The following RASA1 variants were observed in gnomAD, a reference collection of about 807,000 sequenced individuals.
The protein encoded by RASA1 is RAS p21 protein activator 1.
In RASA1, 25 loss-of-function variants were observed where a neutral mutation model predicts 132.2. The observed-to-expected ratio is 0.19, with a 90% CI of 0.14 to 0.26. The LOEUF (loss-of-function observed/expected upper bound fraction) is 0.26, where lower values mean the gene tolerates loss of function less well. Among genes scored for constraint, RASA1 ranks in the 10% least tolerant of loss-of-function variants. The pLI is 1.00. For missense variants in RASA1, 964 were observed against 1,299.2 expected (o/e 0.74, Z 3.97); for synonymous variants, 477 against 449.9 (o/e 1.06, Z -0.76).
chr5:87,390,654 T>C (rs1270554812), intron 24 of RASA1, 146 bp from the exon 25 acceptor site: 2 of 724,096 alleles, frequency 2.8e-6, no homozygotes, highest in Non-Finnish European at 5.0e-6. Context: ...AATGACTGAA[T>C]AATAGAGACT....
intron 1 of RASA1, chr5:87,330,972 TA>T (rs1344807798): frequency 6.9e-7 from 1 of 1,442,530 alleles, no homozygotes; most frequent in African/African-American, 1.4e-5. Context: ...GGTTCCTCAG[TA>T]TAAGATCGAG....
At chr5:87,390,675 G>A (rs1385064404) in intron 24 of RASA1, 125 bp from the exon 25 acceptor site, 3 of 770,692 alleles carry the variant, frequency 3.9e-6, no homozygotes, top group Non-Finnish European at 6.8e-6. Flanking sequence ...TATGTTTTGA[G>A]GGGAATTGTG....
chr5:87,317,118 T>C (rs191228827), intron 1 of RASA1, among the ~76,000 whole-genome samples: 8 of 152,224 alleles, frequency 5.3e-5, no homozygotes, highest in African/African-American at 1.9e-4. Context: ...CCCGGCCTCA[T>C]GTGATCTGCC....
chr5:87,388,710 T>C (rs1173308522), intron 23 of RASA1, among the ~76,000 whole-genome samples: 3 of 149,482 alleles, frequency 2.0e-5, no homozygotes, highest in African/African-American at 7.7e-5. Flanking sequence ...CCACAGATAA[T>C]TGCAAACCTG....
At chr5:87,322,696 C>A (rs1397554915) in intron 1 of RASA1, among the ~76,000 whole-genome samples, 1 of 152,218 alleles carries the variant, frequency 6.6e-6, no homozygotes, top group East Asian at 1.9e-4. Context: ...AACCACTTTT[C>A]TTTACCAATT....
rs1290076478 is a variant in RASA1, at chr5:87,386,923, G to C, written c.2925+20G>C. On this transcript the variant is annotated intron_variant, in intron 23 of 24. Transcript: ENST00000274376. ...CTTGGGGTATGTATATAGTTTTCAG[G>C]TACTTTTTTTAAGACTTCTAGTTGA... The C allele has an allele frequency of 1.7e-5, 27 of 1,595,332 alleles. No homozygotes were observed. In the East Asian group the frequency reaches 6.0e-4, roughly 36 times the overall value.
chr5:87,377,850 C>T (rs1761431384), intron 17 of RASA1, among the ~76,000 whole-genome samples: 1 of 152,170 alleles, frequency 6.6e-6, no homozygotes, highest in South Asian at 2.1e-4. Context: ...TTTTCCTCCT[C>T]ATCACAAAAT....
At chr5:87,339,618 T>G (rs781147969) in intron 5 of RASA1, among the ~76,000 whole-genome samples, 59 of 152,142 alleles carry the variant, frequency 3.9e-4, no homozygotes, top group Non-Finnish European at 7.2e-4. Context: ...AATTACTCAA[T>G]GTATACAGAA....
At chr5:87,285,347 G>A (rs778810707) in intron 1 of RASA1, among the ~76,000 whole-genome samples, 10 of 151,834 alleles carry the variant, frequency 6.6e-5, no homozygotes, top group African/African-American at 1.5e-4. Flanking sequence ...GATTACAGGC[G>A]TGAGCCACCG....
intron 24 of RASA1, among the ~76,000 whole-genome samples, chr5:87,389,992 G>A (rs148962292): frequency 1.3e-3 from 196 of 152,202 alleles, no homozygotes; most frequent in African/African-American, 4.0e-3. Flanking sequence ...AAAGCTGCAC[G>A]TCTAACAAAC....
chr5:87,298,322 T>C (rs895039136), intron 1 of RASA1, among the ~76,000 whole-genome samples: 1 of 149,276 alleles, frequency 6.7e-6, no homozygotes, highest in African/African-American at 2.5e-5. Flanking sequence ...GGCAGGAGAA[T>C]GGTGTGAGCC....
At chr5:87,340,243 G>T (rs911184888) in intron 5 of RASA1, among the ~76,000 whole-genome samples, 1 of 152,038 alleles carries the variant, frequency 6.6e-6, no homozygotes, top group African/African-American at 2.4e-5. Context: ...TTTCACAGAG[G>T]ATTTATGCCT....
At chr5:87,293,490 T>C (rs2112271607) in intron 1 of RASA1, among the ~76,000 whole-genome samples, 1 of 152,264 alleles carries the variant, frequency 6.6e-6, no homozygotes, top group East Asian at 1.9e-4. Flanking sequence ...TTTGCTAATA[T>C]TTTGTTGAGG....
At chr5:87,384,795 T>C (rs1170353676) in intron 21 of RASA1, among the ~76,000 whole-genome samples, 1 of 152,170 alleles carries the variant, frequency 6.6e-6, no homozygotes, top group Non-Finnish European at 1.5e-5. Context: ...TAAAAGTTTA[T>C]TAAATTTCAT....
chr5:87,381,811 C>T (rs1761734858), intron 20 of RASA1, among the ~76,000 whole-genome samples: 1 of 152,138 alleles, frequency 6.6e-6, no homozygotes, highest in African/African-American at 2.4e-5. Flanking sequence ...AAATTGTAAA[C>T]TGTTTCGTGC....
intron 1 of RASA1, among the ~76,000 whole-genome samples, chr5:87,272,528 C>G (rs1293868242): frequency 6.6e-6 from 1 of 151,546 alleles, no homozygotes; most frequent in African/African-American, 2.4e-5. Context: ...TGGTACCTTC[C>G]TCATATGATT....
intron 6 of RASA1, among the ~76,000 whole-genome samples, chr5:87,344,768 C>A (rs943870794): frequency 2.6e-5 from 4 of 151,236 alleles, no homozygotes; most frequent in African/African-American, 9.7e-5. Context: ...ATCCTCCCAC[C>A]TTGGCCTTCC....
chr5:87,314,440 A>G, intron 1 of RASA1, among the ~76,000 whole-genome samples: 1 of 152,228 alleles, frequency 6.6e-6, no homozygotes, highest in East Asian at 1.9e-4. Flanking sequence ...AATAGAGAAC[A>G]TAATGGGTGG....
rs760491651 is a variant in RASA1 at position 87,379,843 on chromosome 5, C to T, written c.2596C>T (p.Leu866Phe). 1.9e-6 allele frequency: 3 copies of T among 1,612,336 alleles called. No homozygotes were observed. Among genetic ancestry groups the T allele is most frequent in the Non-Finnish European group, 2.5e-6 (3 of 1,178,830 alleles). ...VEKIFMASEI[L>F]PPTLRYIYGC... is the part of the protein sequence containing the mutation. ...GAAAATATTCATGGCTTCAGAAATACTTCCACCGTAAGTGGTGAAATTTTC... is the reference window on the plus strand; with the variant it reads ...GAAAATATTCATGGCTTCAGAAATATTTCCACCGTAAGTGGTGAAATTTTC... The change falls in exon 19 of 25, where the codon CTT becomes TTT. Residue 866 changes from leucine (L) to phenylalanine (F), a missense_variant. This residue lies in a region of RASA1 where 346 missense variants were observed against 520.1 expected (regional missense o/e 0.67). Transcript: ENST00000274376.
Sources: allele counts gnomAD v4.1 joint callset (sites outside exome capture counted in the v4.1 genomes callset), GRCh38; gene constraint gnomAD v4.1.1; regional missense constraint gnomAD v4.1.1; transcripts MANE v1.5; gene names NCBI Gene and HGNC (gene_info 2026-07-23, HGNC 2026-07-21).